F3: variants seen among roughly 807,000 people sequenced by gnomAD.
F3 encodes tissue factor.
In F3, 18 loss-of-function variants were observed where a neutral mutation model predicts 33.5. That is an observed-to-expected ratio of 0.54 (90% CI 0.37 to 0.80). The LOEUF (loss-of-function observed/expected upper bound fraction) is 0.80. Among genes scored for constraint, F3 ranks in the 30% least tolerant of loss-of-function variants. F3 has a pLI of 0.00. For missense variants in F3, 353 were observed against 362.1 expected (o/e 0.97, Z 0.20); for synonymous variants, 147 against 140.7 (o/e 1.05, Z -0.32).
intron 1 of F3, 93 bp from the exon 2 acceptor site, chr1:94,540,461 T>G: frequency 1.4e-6 from 1 of 692,482 alleles, no homozygotes; most frequent in Non-Finnish European, 2.4e-6. Flanking sequence ...GACATCACCA[T>G]AAACCTCACT....
intron 3 of F3, among the ~76,000 whole-genome samples, chr1:94,535,588 G>C (rs558462418): frequency 1.3e-5 from 2 of 152,108 alleles, no homozygotes; most frequent in Admixed American, 1.3e-4. Context: ...TGTGATAACG[G>C]GACAGAAAAA....
rs922387769 is a variant in F3 at position 94,529,585 on chromosome 1, A to C, written c.*875T>G. 8.5e-5 allele frequency: 13 copies of C among 152,620 alleles called. No homozygotes were observed. Among genetic ancestry groups the C allele is most frequent in the African/African-American group, 2.9e-4 (12 of 41,440 alleles). The allele number at this position is 152,620 out of a possible 1,614,324, so 9.5% of individuals were successfully genotyped here. ...GTGCAGATTGTAAAGCATATTAGGAAGGTGCCCAGAATACCAATGTCTCCT... is the reference window on the plus strand; with the variant it reads ...GTGCAGATTGTAAAGCATATTAGGACGGTGCCCAGAATACCAATGTCTCCT... On this transcript the variant is annotated 3_prime_UTR_variant, in exon 6 of 6. Coordinates refer to ENST00000334047, the MANE Select transcript of F3 (RefSeq NM_001993.5).
chr1:94,541,525 G>C lies in F3; in HGVS notation c.100+12C>G, dbSNP rs369820653. ...GGCGCGCCCCGGGCTTCCAGGGGCTGGTGCCACTCACCTGAAGCGCCGGCC... is the reference window on the plus strand; with the variant it reads ...GGCGCGCCCCGGGCTTCCAGGGGCTCGTGCCACTCACCTGAAGCGCCGGCC... On this transcript the variant is annotated intron_variant, in intron 1 of 5. Coordinates refer to ENST00000334047, the MANE Select transcript of F3 (RefSeq NM_001993.5). 5.4e-6 allele frequency: 8 copies of C among 1,479,004 alleles called. No homozygotes were observed. The South Asian group carries it at 6.4e-5, about 12-fold the overall frequency. 91.6% of individuals were successfully genotyped at this position (1,479,004 alleles called of 1,614,324 possible). A position where few individuals can be genotyped will look rare whatever the true frequency, so the allele number is the denominator to read the frequency against.
rs757964333 is a variant in F3 at position 94,541,605 on chromosome 1, C to A, written c.32G>T (p.Arg11Leu). The A allele has an allele frequency of 6.9e-7, 1 of 1,459,194 alleles. No individual in the cohort carries two copies. Among genetic ancestry groups the A allele is most frequent in the Non-Finnish European group, 9.1e-7 (1 of 1,104,862 alleles). 90.4% of individuals were successfully genotyped at this position (1,459,194 alleles called of 1,614,324 possible). The change falls in exon 1 of 6, where the codon CGC becomes CTC. Residue 11 changes from arginine to leucine, a missense_variant. Transcript: ENST00000334047. ...CGTCCGAGCGACGGCGGTCTCGGGG[C>A]GCGGGACCCGGGGCCAGGCAGGGGT... METPAWPRVP[R>L]PETAVARTLL...
In F3 at chr1:94,535,954, A is replaced by G; in HGVS notation, c.412+11T>C. ...ACAAGAATGAACGGTATTACAGCCC[A>G]AGCCACTTACTCTCCAGGTAAGGTG... On this transcript the variant is annotated intron_variant, in intron 3 of 5. Coordinates refer to ENST00000334047, the MANE Select transcript of F3 (RefSeq NM_001993.5). 1 of 1,613,776 alleles carries G rather than the reference A, an allele frequency of 6.2e-7. No individual in the cohort carries two copies. The highest frequency in any genetic ancestry group is 1.1e-5 in the South Asian group (1 of 91,080).
intron 3 of F3, among the ~76,000 whole-genome samples, chr1:94,533,695 C>T (rs891949421): frequency 6.6e-6 from 1 of 152,026 alleles, no homozygotes; most frequent in Non-Finnish European, 1.5e-5. Flanking sequence ...CCTGCCGTGG[C>T]CCCTGCTCTT....
rs746992592 is a variant in F3, at chr1:94,530,500, C to T, written c.848G>A (p.Gly283Glu). 5.6e-6 allele frequency: 9 copies of T among 1,614,064 alleles called. No homozygotes were observed. The South Asian group carries it at 7.7e-5, about 14-fold the overall frequency. Residue 283 changes from glycine (G) to glutamate (E), a missense_variant, in exon 6 of 6, where the codon GGG becomes GAG. Coordinates refer to ENST00000334047, the MANE Select transcript of F3 (RefSeq NM_001993.5). ...SLHKCRKAGVGQSWKENSPLN... is the reference protein window; with the variant it reads ...SLHKCRKAGVEQSWKENSPLN... ...TGGGGAGTTCTCCTTCCAGCTCTGC[C>T]CCACTCCTGCCTTTCTACACTTGTG...
chr1:94,541,483 G>A, intron 1 of F3, 54 bp downstream of exon 1: 4 of 1,332,590 alleles, frequency 3.0e-6, no homozygotes, highest in Non-Finnish European at 3.0e-6. Context: ...CAGGACTGTC[G>A]CCTCCCTCCT....
chr1:94,541,604 G>A lies in F3; in HGVS notation c.33C>T (p.Arg11=), dbSNP rs752145965. The stretch of plus-strand genomic sequence containing the variant: ...GCGTCCGAGCGACGGCGGTCTCGGG[G>A]CGCGGGACCCGGGGCCAGGCAGGGG... METPAWPRVP[R]PETAVARTLL... The change falls in exon 1 of 6, where the codon CGC becomes CGT. Residue 11 remains arginine (R), a synonymous_variant. Transcript: ENST00000334047. 2 of 1,462,628 alleles carry A rather than the reference G, an allele frequency of 1.4e-6. No homozygotes were observed. Among genetic ancestry groups the A allele is most frequent in the Non-Finnish European group, 1.8e-6 (2 of 1,106,826 alleles). 90.6% of individuals were successfully genotyped at this position (1,462,628 alleles called of 1,614,324 possible).
intron 5 of F3, among the ~76,000 whole-genome samples, chr1:94,531,738 G>C (rs1651434191): frequency 1.3e-5 from 2 of 152,166 alleles, no homozygotes; most frequent in Admixed American, 1.3e-4. Flanking sequence ...TTCCGGTTAG[G>C]GACTGTTCCT....
intron 5 of F3, among the ~76,000 whole-genome samples, chr1:94,531,747 C>T (rs1434016717): frequency 1.3e-5 from 2 of 152,222 alleles, no homozygotes; most frequent in East Asian, 3.8e-4. Context: ...GGGACTGTTC[C>T]TCGCACAATG....
Position 94,530,287 on chromosome 1 carries a change from C to T in F3, c.*173G>A. On this transcript the variant is annotated 3_prime_UTR_variant, in exon 6 of 6. Transcript: ENST00000334047. The stretch of plus-strand genomic sequence containing the variant: ...TCGTTACATTTCAAAGTGACTAATG[C>T]TGATGTCAAAACCAGAATGCTAATG... 2.8e-6 allele frequency: 2 copies of T among 707,604 alleles called. No individual in the cohort carries two copies. Among genetic ancestry groups the T allele is most frequent in the Non-Finnish European group, 4.6e-6 (2 of 438,802 alleles). The allele number at this position is 707,604 out of a possible 1,614,324, so 43.8% of individuals were successfully genotyped here.
intron 2 of F3, among the ~76,000 whole-genome samples, chr1:94,537,171 T>G (rs749258139): frequency 6.6e-5 from 10 of 152,216 alleles, no homozygotes; most frequent in Non-Finnish European, 1.0e-4. Context: ...AGATCTTTCT[T>G]TTGTGAGACG....
chr1:94,530,597 C>T lies in F3; in HGVS notation c.752-1G>A, dbSNP rs1480757540. ...ACAGCTCCAATGATGTAGAATATTT[C>T]TGAAAAATAAAGGGCATCTAGTCAA... On this transcript the variant is annotated splice_acceptor_variant, in intron 5 of 5. Transcript: ENST00000334047. LOFTEE classifies it high-confidence loss of function. 1 of 1,613,766 alleles carries T rather than the reference C, an allele frequency of 6.2e-7. No individual in the cohort carries two copies. The highest frequency in any genetic ancestry group is 1.7e-5 in the Admixed American group (1 of 60,006).
Position 94,540,606 on chromosome 1 carries a change from A to C in F3, c.101-238T>G, listed in dbSNP as rs1246738209. 5 of 436,408 alleles carry C rather than the reference A, an allele frequency of 1.1e-5. No individual in the cohort carries two copies. In the Admixed American group the frequency reaches 2.0e-4, roughly 18 times the overall value. 27.0% of individuals were successfully genotyped at this position (436,408 alleles called of 1,614,324 possible). A position where few individuals can be genotyped will look rare whatever the true frequency, so the allele number is the denominator to read the frequency against. On this transcript the variant is annotated intron_variant, in intron 1 of 5. Transcript: ENST00000334047. Reference sequence around the variant, plus strand: ...CCAGGACACCGGCAAGGATCTTGACATTTTCGTTTGAAATTATTCATGGGC... The same window carrying C: ...CCAGGACACCGGCAAGGATCTTGACCTTTTCGTTTGAAATTATTCATGGGC...
chr1:94,530,454 C>T lies in F3; in HGVS notation c.*6G>A. The stretch of plus-strand genomic sequence containing the variant: ...AGCATTTGCAGTAGCTCCAACAGTG[C>T]TTCCTTTATGAAACATTCAGTGGGG... On this transcript the variant is annotated 3_prime_UTR_variant, in exon 6 of 6. Transcript: ENST00000334047. 6.2e-7 allele frequency: 1 copy of T among 1,614,070 alleles called. No homozygotes were observed. Among genetic ancestry groups the T allele is most frequent in the South Asian group, 1.1e-5 (1 of 91,060 alleles).
intron 2 of F3, among the ~76,000 whole-genome samples, chr1:94,537,843 A>T (rs555417581): frequency 6.6e-6 from 1 of 152,332 alleles, no homozygotes; most frequent in African/African-American, 2.4e-5. Context: ...GTTTTATTTT[A>T]TCATTTCCAT....
chr1:94,540,527 T>C (rs1651740533), intron 1 of F3, 159 bp from the exon 2 acceptor site: 1 of 542,224 alleles, frequency 1.8e-6, no homozygotes, highest in South Asian at 2.7e-5. Flanking sequence ...AAAAAGAATC[T>C]TCAAATTTTT....
chr1:94,539,632 G>A lies in F3; in HGVS notation c.212+625C>T, dbSNP rs116610841. Among the ~76,000 whole-genome samples the A allele has an allele frequency of 1.1e-3, 164 of 152,234 alleles. 1 individual carries two copies. The highest frequency in any genetic ancestry group is 1.7e-3 in the Non-Finnish European group (119 of 68,028). On this transcript the variant is annotated intron_variant, in intron 2 of 5. Transcript: ENST00000334047. ...TTTAGATTGAACATGCTGAATTATC[G>A]CCTCCTGGGGACAGCTGCCAGTCAG...
Sources: gnomAD v4.1 joint callset for allele counts (sites outside exome capture counted in the v4.1 genomes callset) on GRCh38, gnomAD v4.1.1 for gene constraint, MANE v1.5 for transcripts, NCBI Gene and HGNC (gene_info 2026-07-23, HGNC 2026-07-21) for gene names.